The following AFF3 variants were observed in gnomAD, a reference collection of about 807,000 sequenced individuals.
AFF3 encodes the protein ALF transcription elongation factor 3.
AFF3 carries 32 observed loss-of-function variants against 129.7 expected under a neutral mutation model. The observed-to-expected ratio is 0.25, with a 90% CI of 0.19 to 0.33. AFF3 has a LOEUF of 0.33. Ranked by LOEUF, AFF3 falls within the 10% of genes least tolerant of loss-of-function variation. The pLI is 1.00. For synonymous variants in AFF3, 644 were observed against 635.4 expected (o/e 1.01, Z -0.20); for missense variants, 1,373 against 1,592.0 (o/e 0.86, Z 2.34).
At chr2:99,598,877 CT>C (rs1226490199) in intron 14 of AFF3, among the ~76,000 whole-genome samples, 1 of 152,242 alleles carries the variant, frequency 6.6e-6, no homozygotes, top group African/African-American at 2.4e-5. Flanking sequence ...AACTCATTTT[CT>C]TTCTAAAGGG....
intron 13 of AFF3, 88 bp downstream of exon 13, chr2:99,649,538 A>T: frequency 1.4e-6 from 2 of 1,444,296 alleles, no homozygotes; most frequent in Non-Finnish European, 1.9e-6. Flanking sequence ...CTTTAGGGAC[A>T]AAATCCGATT....
chr2:99,910,827 T>C (rs1460123111), intron 7 of AFF3, among the ~76,000 whole-genome samples: 1 of 152,284 alleles, frequency 6.6e-6, no homozygotes, highest in Non-Finnish European at 1.5e-5. Context: ...TTTGGAAGGC[T>C]AAGATATATG....
intron 1 of AFF3, among the ~76,000 whole-genome samples, chr2:100,130,280 C>T (rs1010557898): frequency 6.6e-6 from 1 of 152,254 alleles, no homozygotes; most frequent in East Asian, 1.9e-4. Flanking sequence ...AACTGATGTG[C>T]CCGAGAATGC....
rs188206012 is a variant in AFF3 at position 99,950,066 on chromosome 2, A to C, written c.873+56566T>G. ...CCCTAGCCACAACAAAGGAATTCTA[A>C]AACATCCAATCTCTGACACTAGCTA... is the stretch of plus-strand genomic sequence containing the variant. On this transcript the variant is annotated intron_variant, in intron 7 of 24. Transcript: ENST00000672756. Among the ~76,000 whole-genome samples, 21 of 152,304 alleles carry C rather than the reference A, an allele frequency of 1.4e-4. 1 individual carries two copies. Among genetic ancestry groups the C allele is most frequent in the Middle Eastern group, 3.4e-3 (1 of 294 alleles).
chr2:99,978,027 C>A (rs1679047649), intron 7 of AFF3, among the ~76,000 whole-genome samples: 1 of 152,188 alleles, frequency 6.6e-6, no homozygotes, highest in South Asian at 2.1e-4. Context: ...CCACTCCACA[C>A]TAGTCTGTAA....
intron 4 of AFF3, among the ~76,000 whole-genome samples, chr2:100,044,246 G>A (rs1444632516): frequency 7.2e-5 from 11 of 152,310 alleles, no homozygotes; most frequent in Admixed American, 5.9e-4. Context: ...TCTCAGCACC[G>A]AGCAGGATCC....
chr2:99,780,203 A>C (rs1460092893), intron 8 of AFF3, among the ~76,000 whole-genome samples: 2 of 151,930 alleles, frequency 1.3e-5, no homozygotes, highest in African/African-American at 4.8e-5. Context: ...TCTCCATCTA[A>C]ACTCCCTGTC....
intron 8 of AFF3, among the ~76,000 whole-genome samples, chr2:99,807,100 G>T (rs1465106292): frequency 1.3e-5 from 2 of 152,180 alleles, no homozygotes; most frequent in Non-Finnish European, 2.9e-5. Context: ...GCTATCCCTT[G>T]CATTCATCAA....
intron 13 of AFF3, among the ~76,000 whole-genome samples, chr2:99,638,476 C>T (rs186742866): frequency 1.3e-4 from 14 of 108,274 alleles, no homozygotes; most frequent in East Asian, 5.7e-4. Flanking sequence ...TCTGGTGGTG[C>T]GGGTTAGTTT....
At chr2:100,078,568 T>C (rs1190103367) in intron 4 of AFF3, among the ~76,000 whole-genome samples, 2 of 152,170 alleles carry the variant, frequency 1.3e-5, no homozygotes, top group African/African-American at 4.8e-5. Context: ...GTTTTTAATA[T>C]AATCAGTGTT....
chr2:99,645,790 A>G (rs1042938961), intron 13 of AFF3, among the ~76,000 whole-genome samples: 1 of 152,228 alleles, frequency 6.6e-6, no homozygotes, highest in African/African-American at 2.4e-5. Flanking sequence ...TGATTACAGA[A>G]GATTCTCTGA....
At chr2:99,746,759 G>A (rs1368426804) in intron 9 of AFF3, among the ~76,000 whole-genome samples, 1 of 152,104 alleles carries the variant, frequency 6.6e-6, no homozygotes, top group East Asian at 1.9e-4. Flanking sequence ...TCTCTTCAAG[G>A]GAATTCAAGA....
chr2:100,046,045 C>G lies in AFF3; in HGVS notation c.54-37113G>C, dbSNP rs150351777. ...TGTTCAAGGGTCAACAGCACACACT[C>G]CTGAGTTCCAAGAATAGTCTACCAC... On this transcript the variant is annotated intron_variant, in intron 4 of 24. Coordinates refer to ENST00000672756, the MANE Select transcript of AFF3 (RefSeq NM_001386135.1). 2.5e-3 allele frequency among the ~76,000 whole-genome samples: 386 copies of G among 152,240 alleles called. 1 individual carries two copies. The highest frequency in any genetic ancestry group is 8.7e-3 in the African/African-American group (362 of 41,556).
intron 7 of AFF3, among the ~76,000 whole-genome samples, chr2:99,887,437 G>A (rs771204609): frequency 2.6e-5 from 4 of 152,196 alleles, no homozygotes; most frequent in Non-Finnish European, 5.9e-5. Flanking sequence ...TGTTAGCACT[G>A]TGCTTGTTAA....
chr2:99,873,820 G>C (rs1576244389), intron 7 of AFF3, among the ~76,000 whole-genome samples: 3 of 151,472 alleles, frequency 2.0e-5, no homozygotes, highest in Admixed American at 2.0e-4. Flanking sequence ...ATTTTCCTGA[G>C]ATTGTTAGAG....
intron 1 of AFF3, among the ~76,000 whole-genome samples, chr2:100,137,536 TACACAC>T (rs3038476): frequency 6.9e-6 from 1 of 144,026 alleles, no homozygotes; most frequent in Non-Finnish European, 1.5e-5. Context: ...CACACGTGCA[TACACAC>T]ACACACACAC....
chr2:100,048,918 T>G (rs544369963), intron 4 of AFF3, among the ~76,000 whole-genome samples: 1 of 152,204 alleles, frequency 6.6e-6, no homozygotes, highest in Non-Finnish European at 1.5e-5. Flanking sequence ...CACCTTAATA[T>G]ATAAAAAGCA....
At chr2:100,055,790 T>C (rs976044443) in intron 4 of AFF3, among the ~76,000 whole-genome samples, 1 of 152,188 alleles carries the variant, frequency 6.6e-6, no homozygotes, top group Non-Finnish European at 1.5e-5. Context: ...TGTGTTCCAA[T>C]ACAACTTTAT....
intron 7 of AFF3, among the ~76,000 whole-genome samples, chr2:99,866,764 G>T (rs1196422887): frequency 1.3e-5 from 2 of 151,850 alleles, no homozygotes; most frequent in African/African-American, 4.8e-5. Flanking sequence ...ATCACCTGAG[G>T]TCAGGAGTTC....
Sources: gnomAD v4.1 joint callset for allele counts (sites outside exome capture counted in the v4.1 genomes callset) on GRCh38, gnomAD v4.1.1 for gene constraint, MANE v1.5 for transcripts, NCBI Gene and HGNC (gene_info 2026-07-23, HGNC 2026-07-21) for gene names.